DHRS12: variants seen among roughly 807,000 people sequenced by gnomAD.
The protein encoded by DHRS12 is dehydrogenase/reductase SDR family member 12.
A neutral mutation model predicts 32.1 loss-of-function variants in DHRS12; 29 were observed. The observed-to-expected ratio is 0.90, with a 90% CI of 0.67 to 1.23. DHRS12 has a LOEUF of 1.23. Among genes scored for constraint, DHRS12 ranks in the 50% most tolerant of loss-of-function variants. The probability of loss-of-function intolerance (pLI) is 0.00; values close to 1 mark genes in which losing one functional copy is unlikely to be tolerated. For synonymous variants in DHRS12, 150 were observed against 135.9 expected, an observed-to-expected ratio of 1.10 and a Z score of -0.72; for missense variants, 330 against 337.2, an observed-to-expected ratio of 0.98 and a Z score of 0.17.
intron 2 of DHRS12, among the ~76,000 whole-genome samples, chr13:51,795,731 C>T (rs773630569): frequency 1.3e-5 from 2 of 152,202 alleles, no homozygotes; most frequent in Non-Finnish European, 2.9e-5. Flanking sequence ...GATTCGCCAT[C>T]ACCAGGGAAG....
chr13:51,791,128 C>A, intron 3 of DHRS12, 37 bp downstream of exon 3: 1 of 1,417,250 alleles, frequency 7.1e-7, no homozygotes, highest in Non-Finnish European at 9.7e-7. Context: ...AATGGGCCAA[C>A]ATGAATTTAT....
rs1048002863 is a variant in DHRS12 at position 51,773,233 on chromosome 13, G to A, written c.468+697C>T. ...GCATATACATAACGAGATATCTTGG[G>A]GATAGAACTCAAATCTAAACACAAA... On this transcript the variant is annotated intron_variant, in intron 6 of 8. Transcript: ENST00000444610. Among the ~76,000 whole-genome samples, 76 of 152,030 alleles carry A rather than the reference G, an allele frequency of 5.0e-4. 2 individuals are homozygous for A. Among genetic ancestry groups the A allele is most frequent in the Non-Finnish European group, 1.5e-5 (1 of 68,016 alleles).
intron 1 of DHRS12, 151 bp downstream of exon 1, chr13:51,803,903 G>A: frequency 1.5e-6 from 1 of 653,332 alleles, no homozygotes; most frequent in East Asian, 3.9e-5. Context: ...TGGGTCGCTA[G>A]ACGGCGGGCG....
At chr13:51,777,216 G>A (rs1028389665) in intron 4 of DHRS12, 95 bp from the exon 5 acceptor site, 28 of 1,442,324 alleles carry the variant, frequency 1.9e-5, no homozygotes, top group South Asian at 2.3e-5. Context: ...GCCCGCACCC[G>A]CCCCCCACAA....
intron 1 of DHRS12, among the ~76,000 whole-genome samples, chr13:51,801,413 C>T (rs1593576085): frequency 6.6e-6 from 1 of 152,158 alleles, no homozygotes; most frequent in South Asian, 2.1e-4. Flanking sequence ...GTCTCGAACA[C>T]CTGACCTCAG....
downstream of DHRS12, chr13:51,765,434 C>G (rs1264454938): frequency 6.6e-6 from 1 of 152,116 alleles, no homozygotes; most frequent in Non-Finnish European, 1.5e-5. Context: ...CCTTGCATGT[C>G]CCATACCAGG....
In DHRS12 at chr13:51,771,500, C is replaced by T. The variant is rs74086276; in HGVS notation, c.559+321G>A. On this transcript the variant is annotated intron_variant, in intron 7 of 8. Coordinates refer to ENST00000444610, the MANE Select transcript of DHRS12 (RefSeq NM_001377533.1). ...TCAGCTCCTGCTCATTCCTGTCTGA[C>T]GTGGAAATGACAATGGTCACCGGCT... 6.4e-4 allele frequency: 1,029 copies of T among 1,614,006 alleles called. 9 individuals are homozygous for T. In the African/African-American group the frequency reaches 0.011, roughly 18 times the overall value.
At chr13:51,791,026 C>T (rs1955241833) in intron 3 of DHRS12, 139 bp downstream of exon 3, 3 of 506,426 alleles carry the variant, frequency 5.9e-6, no homozygotes, top group Admixed American at 8.3e-5. Flanking sequence ...AACTTGATTC[C>T]ATGAACAGGC....
intron 2 of DHRS12, among the ~76,000 whole-genome samples, chr13:51,792,474 AC>A (rs2139317482): frequency 6.6e-6 from 1 of 152,202 alleles, no homozygotes; most frequent in East Asian, 1.9e-4. Context: ...ATTTTGGCTC[AC>A]TGCAACCTCC....
chr13:51,791,028 T>C, intron 3 of DHRS12, 137 bp downstream of exon 3: 3 of 513,100 alleles, frequency 5.8e-6, no homozygotes, highest in Non-Finnish European at 3.3e-6. Context: ...CTTGATTCCA[T>C]GAACAGGCCC....
At chr13:51,783,012 AGAAG>A (rs1954790254) in intron 4 of DHRS12, among the ~76,000 whole-genome samples, 1 of 152,190 alleles carries the variant, frequency 6.6e-6, no homozygotes, top group Non-Finnish European at 1.5e-5. Context: ...GGAGCTGCCG[AGAAG>A]GAAGAGCGGC....
At chr13:51,790,976 T>C (rs1955239423) in intron 3 of DHRS12, among the ~76,000 whole-genome samples, 189 bp downstream of exon 3, 2 of 152,168 alleles carry the variant, frequency 1.3e-5, no homozygotes, top group South Asian at 4.1e-4. Context: ...CTTTCCCCAC[T>C]AATCTAACCA....
the DHRS12 span, chr13:51,758,227 A>ATT: frequency 6.3e-7 from 1 of 1,596,666 alleles, no homozygotes; most frequent in South Asian, 1.1e-5. Flanking sequence ...GACAGTAAAC[A>ATT]TAACATTGTG....
the DHRS12 span, chr13:51,759,959 A>G: frequency 5.5e-6 from 3 of 548,950 alleles, no homozygotes; most frequent in East Asian, 2.8e-5. Flanking sequence ...GACTCTTCCA[A>G]CTTGTTCATA....
intron 4 of DHRS12, among the ~76,000 whole-genome samples, chr13:51,785,431 T>C (rs1240390188): frequency 6.6e-6 from 1 of 152,172 alleles, no homozygotes; most frequent in South Asian, 2.1e-4. Flanking sequence ...ACTTCTCTGA[T>C]TCTTGATTTG....
At chr13:51,756,959 G>A in the DHRS12 span, among the ~76,000 whole-genome samples, 1 of 152,156 alleles carries the variant, frequency 6.6e-6, no homozygotes, top group Non-Finnish European at 1.5e-5. Flanking sequence ...CCAGGACATA[G>A]GTTACTTACC....
At chr13:51,784,661 G>A (rs1954870402) in intron 4 of DHRS12, among the ~76,000 whole-genome samples, 1 of 152,216 alleles carries the variant, frequency 6.6e-6, no homozygotes, top group African/African-American at 2.4e-5. Flanking sequence ...AACGATGCAT[G>A]AGGATAGCTC....
At chr13:51,776,435 C>T (rs1954404419) in intron 5 of DHRS12, 1 of 152,954 alleles carries the variant, frequency 6.5e-6, no homozygotes, top group Admixed American at 6.5e-5. Flanking sequence ...CATGAGGACC[C>T]TTGGGACTCC....
At chr13:51,762,010 G>A in the DHRS12 span, 1 of 152,158 alleles carries the variant, frequency 6.6e-6, no homozygotes, top group Admixed American at 6.5e-5. Context: ...CTTTAACAAG[G>A]GAATTAAATT....
Sources: allele counts gnomAD v4.1 joint callset (sites outside exome capture counted in the v4.1 genomes callset), GRCh38; gene constraint gnomAD v4.1.1; transcripts MANE v1.5; gene names NCBI Gene and HGNC (gene_info 2026-07-23, HGNC 2026-07-21).